Variants in PANK1 observed in about 807,000 individuals in gnomAD.
PANK1 encodes the protein pantothenic acid kinase 1.
PANK1 carries 18 observed loss-of-function variants against 40.1 expected under a neutral mutation model. The observed-to-expected ratio is 0.45, with a 90% CI of 0.31 to 0.67. PANK1 has a LOEUF of 0.67. Ranked by LOEUF, PANK1 falls within the 30% of genes least tolerant of loss-of-function variation. PANK1 has a pLI of 0.06. For synonymous variants in PANK1, 242 were observed against 237.7 expected, an observed-to-expected ratio of 1.02 and a Z score of -0.17; for missense variants, 457 against 599.6, an observed-to-expected ratio of 0.76 and a Z score of 2.48.
chr10:89,625,005 C>A (rs1321971833), intron 1 of PANK1, among the ~76,000 whole-genome samples: 1 of 152,144 alleles, frequency 6.6e-6, no homozygotes, highest in African/African-American at 2.4e-5. Context: ...CTCAAGTGAT[C>A]CTCCCACCTC....
At chr10:89,594,010 A>G (rs1844488961) in intron 3 of PANK1, 21 bp from the exon 4 acceptor site, 1 of 1,581,142 alleles carries the variant, frequency 6.3e-7, no homozygotes, top group South Asian at 1.1e-5. Context: ...AATAAGGTTT[A>G]TTTTTAAATT....
intron 2 of PANK1, among the ~76,000 whole-genome samples, chr10:89,602,237 A>G (rs1181724128): frequency 3.3e-5 from 5 of 152,370 alleles, no homozygotes; most frequent in African/African-American, 1.2e-4. Flanking sequence ...CTGCCAAGGC[A>G]AATAATCTAC....
intron 1 of PANK1, among the ~76,000 whole-genome samples, chr10:89,632,648 T>C (rs1841684410): frequency 1.3e-5 from 2 of 152,230 alleles, no homozygotes; most frequent in Non-Finnish European, 2.9e-5. Context: ...TGCATGCATG[T>C]CTACATATCC....
intron 2 of PANK1, among the ~76,000 whole-genome samples, chr10:89,600,241 G>A (rs1315461036): frequency 1.3e-5 from 2 of 152,212 alleles, no homozygotes; most frequent in African/African-American, 4.8e-5. Context: ...CACAGGGTGA[G>A]CAGACTGAGA....
At chr10:89,591,943 G>T (rs545932427) in intron 5 of PANK1, among the ~76,000 whole-genome samples, 3 of 152,280 alleles carry the variant, frequency 2.0e-5, no homozygotes, top group African/African-American at 7.2e-5. Flanking sequence ...GTGGGGCAAG[G>T]GTTGTTACCA....
Position 89,643,798 on chromosome 10 carries a change from A to G in PANK1, c.292+802T>C, listed in dbSNP as rs1387525207. On this transcript the variant is annotated intron_variant, in intron 1 of 6. Coordinates refer to ENST00000307534, the MANE Select transcript of PANK1 (RefSeq NM_148977.3). ...AAAACCAGCTGTAAACTCGACCTAC[A>G]AATTTACATCCCACAGCGTCCTGTG... is the stretch of plus-strand genomic sequence containing the variant. 15 of 1,608,560 alleles carry G rather than the reference A, an allele frequency of 9.3e-6. No homozygotes were observed. The Admixed American group carries it at 1.4e-4, about 15-fold the overall frequency.
chr10:89,592,822 A>G (rs745445670), intron 5 of PANK1: 7 of 537,870 alleles, frequency 1.3e-5, no homozygotes, highest in Non-Finnish European at 2.7e-5. Context: ...AGCTGAAAGC[A>G]GAGAGAATAT....
downstream of PANK1, chr10:89,580,617 T>G (rs1331903294): frequency 6.6e-6 from 1 of 152,276 alleles, no homozygotes; most frequent in Non-Finnish European, 1.5e-5. Context: ...TATTCTTTGG[T>G]TAAGACTTCA....
At chr10:89,596,883 A>T (rs1844625566) in intron 3 of PANK1, among the ~76,000 whole-genome samples, 1 of 152,200 alleles carries the variant, frequency 6.6e-6, no homozygotes, top group African/African-American at 2.4e-5. Context: ...CTTTTAACAG[A>T]TTACACATTC....
At chr10:89,629,162 A>G (rs1841560963) in intron 1 of PANK1, among the ~76,000 whole-genome samples, 1 of 152,232 alleles carries the variant, frequency 6.6e-6, no homozygotes, top group South Asian at 2.1e-4. Context: ...AAGTACTCTC[A>G]AGTGTAAGAT....
chr10:89,585,752 TTGAA>T (rs1844179605), intron 6 of PANK1, among the ~76,000 whole-genome samples: 1 of 152,152 alleles, frequency 6.6e-6, no homozygotes. Context: ...GTAACATTAG[TTGAA>T]TGAATGAGAA....
At chr10:89,596,653 G>A (rs1589768651) in intron 3 of PANK1, among the ~76,000 whole-genome samples, 2 of 152,178 alleles carry the variant, frequency 1.3e-5, no homozygotes, top group Non-Finnish European at 2.9e-5. Flanking sequence ...TAGGCATACA[G>A]TAAAAACTCT....
chr10:89,643,965 C>A, intron 1 of PANK1: 1 of 921,412 alleles, frequency 1.1e-6, no homozygotes, highest in Non-Finnish European at 1.5e-6. Flanking sequence ...AATCCACCTC[C>A]AATCCTCATT....
chr10:89,592,246 T>G (rs1564617725), intron 5 of PANK1, among the ~76,000 whole-genome samples: 1 of 152,206 alleles, frequency 6.6e-6, no homozygotes, highest in African/African-American at 2.4e-5. Flanking sequence ...AGTATGTTTT[T>G]TGTCAACCCA....
At chr10:89,614,021 A>G (rs1008145984) in intron 1 of PANK1, 2 of 456,590 alleles carry the variant, frequency 4.4e-6, no homozygotes, top group Non-Finnish European at 8.8e-6. Flanking sequence ...CTTTCCATGA[A>G]TTCCTTAAGA....
chr10:89,584,435 C>T lies in PANK1; in HGVS notation c.1357G>A (p.Glu453Lys), dbSNP rs1473766742. ...TTGTCATCAGTCATTTTGAACAGTT[C>T]CAACAGTGCCCCAACGGCTCCAAAA... ...GYFGAVGALL[E>K]LFKMTDDK The change falls in exon 7 of 7, where the codon GAA (glutamate) becomes AAA (lysine). Residue 453 changes from glutamate (E) to lysine (K), a missense_variant. Physicochemically the swap from Glu to Lys is moderately conservative, Grantham distance 56. Around this residue, in one of 4 missense-constraint regions of PANK1, gnomAD observed 22 missense variants for 24.6 expected, o/e 0.89. Transcript: ENST00000307534. The T allele has an allele frequency of 3.1e-6, 5 of 1,609,500 alleles. No homozygotes were observed. Among genetic ancestry groups the T allele is most frequent in the Non-Finnish European group, 4.3e-6 (5 of 1,175,826 alleles).
chr10:89,604,942 G>C (rs1469728891), intron 2 of PANK1, among the ~76,000 whole-genome samples: 2 of 151,472 alleles, frequency 1.3e-5, no homozygotes, highest in Non-Finnish European at 2.9e-5. Flanking sequence ...TAGTAGAGAC[G>C]GGGTTTCACC....
At chr10:89,595,518 A>G (rs1844534498) in intron 3 of PANK1, among the ~76,000 whole-genome samples, 3 of 151,236 alleles carry the variant, frequency 2.0e-5, no homozygotes, top group Admixed American at 6.6e-5. Context: ...TGTCATTTGT[A>G]TAAAAGTATA....
At chr10:89,595,855 T>C (rs1392001030) in intron 3 of PANK1, among the ~76,000 whole-genome samples, 1 of 114,344 alleles carries the variant, frequency 8.7e-6, no homozygotes, top group Admixed American at 8.5e-5. Context: ...TATATATATA[T>C]ATATATATAT....
Sources: allele counts gnomAD v4.1 joint callset (sites outside exome capture counted in the v4.1 genomes callset), GRCh38; gene constraint gnomAD v4.1.1; regional missense constraint gnomAD v4.1.1; transcripts MANE v1.5; gene names NCBI Gene and HGNC (gene_info 2026-07-23, HGNC 2026-07-21).